The following RUVBL1 variants were observed in gnomAD, a reference collection of about 807,000 sequenced individuals.
The protein encoded by RUVBL1 is RuvB like AAA ATPase 1, also known as ruvB-like 1.
RUVBL1 carries 4 observed loss-of-function variants against 52.4 expected under a neutral mutation model. That is an observed-to-expected ratio of 0.08 (90% CI 0.04 to 0.17). The LOEUF is 0.17. Ranked by LOEUF, RUVBL1 falls within the 10% of genes least tolerant of loss-of-function variation. The pLI is 1.00. For missense variants in RUVBL1, 298 were observed against 572.8 expected (o/e 0.52, Z 4.90); for synonymous variants, 217 against 214.4 (o/e 1.01, Z -0.10).
intron 8 of RUVBL1, among the ~76,000 whole-genome samples, chr3:128,093,024 AAG>A (rs1183761253): frequency 2.6e-5 from 4 of 152,152 alleles, no homozygotes; most frequent in Admixed American, 2.6e-4. Context: ...AAAAAAGAAA[AAG>A]AAAAAGAAAG....
rs1318713116 is a variant in RUVBL1, at chr3:128,067,065, C to T, written c.940-1845G>A. 22 of 1,614,100 alleles carry T rather than the reference C, an allele frequency of 1.4e-5. No homozygotes were observed. Among genetic ancestry groups the T allele is most frequent in the Non-Finnish European group, 1.9e-5 (22 of 1,180,050 alleles). ...CATCCCCATCATCCTGCAGTCTGCC[C>T]TGGTGTCCAACCTTTATGTCATCTC... On this transcript the variant is annotated intron_variant, in intron 9 of 9. Coordinates refer to the RUVBL1 transcript ENST00000464873. The surrounding 1 kb of genome is among the most constrained non-coding windows in gnomAD (Gnocchi z 4.1).
rs375118581 is a variant in RUVBL1 at position 128,067,914 on chromosome 3, G to A, written c.940-2694C>T. ...CGAAGAGGCGATCTGTAACTGTTCA[G>A]TACCACTTGGAATGCCTATTTCCCC... On this transcript the variant is annotated intron_variant, in intron 9 of 9. Coordinates refer to the RUVBL1 transcript ENST00000464873. This position sits in a 1 kb window ranked among gnomAD's most constrained non-coding sequence, Gnocchi z 4.1. 2.9e-5 allele frequency: 36 copies of A among 1,239,762 alleles called. No individual in the cohort carries two copies. The African/African-American group carries it at 4.9e-4, about 17-fold the overall frequency. 76.8% of individuals were successfully genotyped at this position (1,239,762 alleles called of 1,614,324 possible).
At chr3:128,098,846 C>CT in intron 7 of RUVBL1, 36 bp downstream of exon 7, 20 of 1,595,350 alleles carry the variant, frequency 1.3e-5, no homozygotes, top group Non-Finnish European at 1.7e-5. Context: ...GCCCTCCGCC[C>CT]TGCCCCTTGC....
chr3:128,153,598 G>A lies in RUVBL1; in HGVS notation c.-435C>T, dbSNP rs771368528. 2.1e-5 allele frequency: 33 copies of A among 1,589,212 alleles called. No individual in the cohort carries two copies. The highest frequency in any genetic ancestry group is 3.4e-5 in the Admixed American group (2 of 58,938). Reference sequence around the variant, plus strand: ...GCTGGCGCGGGCGCTAAGCACCACAGCCTCCACCGCCGCCTTTGACAAGCA... The same window carrying A: ...GCTGGCGCGGGCGCTAAGCACCACAACCTCCACCGCCGCCTTTGACAAGCA... On this transcript the variant is annotated 5_prime_UTR_variant, in exon 1 of 10. Transcript: ENST00000464873.
intron 2 of RUVBL1, among the ~76,000 whole-genome samples, chr3:128,118,663 A>G (rs1943578819): frequency 6.6e-6 from 1 of 152,182 alleles, no homozygotes; most frequent in Non-Finnish European, 1.5e-5. Context: ...AAAGGCCCTT[A>G]TCTTCCCTGC....
chr3:128,084,729 T>C (rs562503673), intron 9 of RUVBL1: 1 of 152,350 alleles, frequency 6.6e-6, no homozygotes, highest in East Asian at 1.9e-4. Flanking sequence ...TATGAGGGTG[T>C]CGGCTTGGAT....
chr3:128,138,323 G>A (rs1026986841), intron 1 of RUVBL1, among the ~76,000 whole-genome samples: 2 of 151,542 alleles, frequency 1.3e-5, no homozygotes, highest in Admixed American at 1.3e-4. Flanking sequence ...CAAACACACC[G>A]ACACACAAAC....
At chr3:128,141,121 G>A (rs959502269) in intron 1 of RUVBL1, among the ~76,000 whole-genome samples, 2 of 152,172 alleles carry the variant, frequency 1.3e-5, no homozygotes, top group Admixed American at 1.3e-4. Flanking sequence ...AAAAAAGCAG[G>A]TCAATTGAAA....
chr3:128,115,938 C>T (rs1432293258), intron 2 of RUVBL1, among the ~76,000 whole-genome samples: 1 of 151,848 alleles, frequency 6.6e-6, no homozygotes, highest in Non-Finnish European at 1.5e-5. Flanking sequence ...CCAGCCTGGG[C>T]AAAATGGCGA....
In RUVBL1 at chr3:128,067,510, A is replaced by C. The variant is rs760362512; in HGVS notation, c.940-2290T>G. 6.2e-7 allele frequency: 1 copy of C among 1,614,130 alleles called. No homozygotes were observed. The highest frequency in any genetic ancestry group is 1.1e-5 in the South Asian group (1 of 91,086). ...CTCCAGAATCTTTTGGCTCCGTGTT[A>C]GAAGACCCGGTCCATGCAGTTGTAT... is the stretch of plus-strand genomic sequence containing the variant. On this transcript the variant is annotated intron_variant, in intron 9 of 9. Transcript: ENST00000464873. This position sits in a 1 kb window ranked among gnomAD's most constrained non-coding sequence, Gnocchi z 4.1.
At chr3:128,071,907 C>A (rs927331791) in intron 9 of RUVBL1, among the ~76,000 whole-genome samples, 1 of 152,168 alleles carries the variant, frequency 6.6e-6, no homozygotes, top group Non-Finnish European at 1.5e-5. Context: ...GGGCTCTGCC[C>A]GTGAGGCAGA....
At chr3:128,152,852 C>A (rs906660122) in intron 1 of RUVBL1, among the ~76,000 whole-genome samples, 1 of 136,226 alleles carries the variant, frequency 7.3e-6, no homozygotes, top group Non-Finnish European at 1.6e-5. Flanking sequence ...CTGCTGCTGG[C>A]GGGGGTGGCC....
intron 5 of RUVBL1, among the ~76,000 whole-genome samples, chr3:128,101,043 C>T (rs974706304): frequency 6.6e-5 from 10 of 152,178 alleles, no homozygotes; most frequent in African/African-American, 2.4e-4. Context: ...TAACTGGAGG[C>T]AGAGGAGCTG....
chr3:128,074,862 A>C (rs1031043371), intron 9 of RUVBL1, among the ~76,000 whole-genome samples: 5 of 151,490 alleles, frequency 3.3e-5, no homozygotes, highest in African/African-American at 1.2e-4. Flanking sequence ...AAAAAAAAAA[A>C]AAACTTAAAA....
chr3:128,118,531 T>C (rs1007763100), intron 2 of RUVBL1, among the ~76,000 whole-genome samples: 2 of 152,190 alleles, frequency 1.3e-5, no homozygotes, highest in African/African-American at 4.8e-5. Context: ...AAGCTCCTAC[T>C]TGCCCACATC....
chr3:128,137,184 A>G (rs1293086356), intron 1 of RUVBL1, among the ~76,000 whole-genome samples: 1 of 152,194 alleles, frequency 6.6e-6, no homozygotes, highest in Non-Finnish European at 1.5e-5. Context: ...CAAATCTAAA[A>G]TTAGTAAAAG....
chr3:128,150,648 TTCTATAC>T (rs1944173050), intron 1 of RUVBL1, among the ~76,000 whole-genome samples: 2 of 134,236 alleles, frequency 1.5e-5, no homozygotes, highest in African/African-American at 5.6e-5. Flanking sequence ...TATACATATA[TTCTATAC>T]ATATTCTATA....
chr3:128,139,061 T>G (rs1004274394), intron 1 of RUVBL1, among the ~76,000 whole-genome samples: 12 of 152,172 alleles, frequency 7.9e-5, no homozygotes, highest in Non-Finnish European at 1.6e-4. Flanking sequence ...GATTAAAGAC[T>G]TAAATCTATG....
chr3:128,141,010 A>G (rs1338625569), intron 1 of RUVBL1, among the ~76,000 whole-genome samples: 2 of 152,210 alleles, frequency 1.3e-5, no homozygotes, highest in South Asian at 4.1e-4. Context: ...GATTCTTTGG[A>G]AAGCCTACTG....
Sources: gnomAD v4.1 joint callset for allele counts (sites outside exome capture counted in the v4.1 genomes callset) on GRCh38, gnomAD v4.1.1 for gene constraint, Gnocchi (gnomAD v3.1) non-coding constraint, MANE v1.5 for transcripts, NCBI Gene and HGNC (gene_info 2026-07-23, HGNC 2026-07-21) for gene names.